Variants in BMPR1B observed in about 807,000 individuals in gnomAD.
The protein encoded by BMPR1B is bone morphogenetic protein receptor type-1B.
A neutral mutation model predicts 59.1 loss-of-function variants in BMPR1B; 12 were observed. The ratio of observed to expected loss-of-function variants is 0.20; its 90% CI spans 0.13 to 0.33. The LOEUF (loss-of-function observed/expected upper bound fraction) is 0.33. BMPR1B is among the 10% of genes least tolerant of loss of function. The pLI, the probability that BMPR1B is intolerant of heterozygous loss-of-function variation, is 1.00. For missense variants in BMPR1B, 550 were observed against 610.9 expected (o/e 0.90, Z 1.05); for synonymous variants, 237 against 207.3 (o/e 1.14, Z -1.23).
chr4:94,804,030 C>T (rs1030006344), intron 1 of BMPR1B, among the ~76,000 whole-genome samples: 7 of 152,086 alleles, frequency 4.6e-5, no homozygotes, highest in Non-Finnish European at 8.8e-5. Context: ...AGGCACCCGC[C>T]ACCACGCCCG....
At chr4:95,037,765 A>AG (rs1341653421) in intron 3 of BMPR1B, among the ~76,000 whole-genome samples, 1 of 152,186 alleles carries the variant, frequency 6.6e-6, no homozygotes, top group African/African-American at 2.4e-5. Context: ...TGATGACATG[A>AG]GGGGTCATAT....
chr4:94,793,040 A>G (rs918627507), intron 1 of BMPR1B, among the ~76,000 whole-genome samples: 3 of 151,672 alleles, frequency 2.0e-5, no homozygotes, highest in Admixed American at 6.6e-5. Context: ...ATTATACTTT[A>G]AGTTTTAGGG....
intron 1 of BMPR1B, among the ~76,000 whole-genome samples, chr4:94,825,691 G>A (rs1724358597): frequency 6.6e-6 from 1 of 152,024 alleles, no homozygotes; most frequent in South Asian, 2.1e-4. Context: ...ATAGTTCTGG[G>A]GAGTAAAACA....
chr4:94,960,259 G>A (rs759942922), intron 2 of BMPR1B, among the ~76,000 whole-genome samples: 4 of 152,146 alleles, frequency 2.6e-5, no homozygotes, highest in Admixed American at 6.5e-5. Context: ...TGGTACAGCT[G>A]TAGTATTAAG....
At chr4:95,026,114 C>CTTTCTTTCTTTCTTTCTTTCTTTCTT (rs1724365735) in intron 3 of BMPR1B, among the ~76,000 whole-genome samples, 6 of 142,508 alleles carry the variant, frequency 4.2e-5, no homozygotes, top group African/African-American at 1.6e-4. Context: ...TTCTTTCTTT[C>CTTTCTTTCTTTCTTTCTTTCTTTCTT]TTTCTTTCTT....
At position 95,131,233 on chromosome 4, in the gene BMPR1B, T is replaced by G; in HGVS notation, c.797T>G (p.Ile266Ser). 1.2e-6 allele frequency: 2 copies of G among 1,613,886 alleles called. No individual in the cohort carries two copies. Among genetic ancestry groups the G allele is most frequent in the Non-Finnish European group, 1.7e-6 (2 of 1,179,904 alleles). The change falls in exon 10 of 13, where the codon ATC (isoleucine) becomes AGC (serine). Residue 266 changes from isoleucine (I) to serine (S), a missense_variant. By Grantham distance (142) the Ile-to-Ser change is moderately radical (BLOSUM62 -2). Coordinates refer to ENST00000515059, the MANE Select transcript of BMPR1B (RefSeq NM_001203.3). ...CTTTTAGGTTTCATTGCTGCAGATA[T>G]CAAAGGGACAGGGTCCTGGACCCAG... is the stretch of plus-strand genomic sequence containing the variant. The part of the protein sequence containing the change: ...ENILGFIAAD[I>S]KGTGSWTQLY...
chr4:94,933,523 T>C (rs1490635908), intron 2 of BMPR1B, among the ~76,000 whole-genome samples: 1 of 152,046 alleles, frequency 6.6e-6, no homozygotes, highest in African/African-American at 2.4e-5. Context: ...GCCCAGACAA[T>C]AGGATTGTCT....
intron 3 of BMPR1B, among the ~76,000 whole-genome samples, chr4:95,021,513 T>G (rs1560600373): frequency 6.6e-6 from 1 of 152,228 alleles, no homozygotes; most frequent in Non-Finnish European, 1.5e-5. Context: ...CTTATTATTT[T>G]TCTTTCATGA....
intron 2 of BMPR1B, among the ~76,000 whole-genome samples, chr4:94,993,214 A>C (rs926594122): frequency 2.6e-5 from 4 of 152,048 alleles, no homozygotes; most frequent in African/African-American, 9.7e-5. Flanking sequence ...GCCTTTTCAG[A>C]CTGGTTTCTT....
intron 2 of BMPR1B, among the ~76,000 whole-genome samples, chr4:94,990,716 T>C (rs1721683696): frequency 6.6e-6 from 1 of 152,120 alleles, no homozygotes; most frequent in Non-Finnish European, 1.5e-5. Context: ...TTTTATACTT[T>C]AAGTTTTAGG....
intron 1 of BMPR1B, among the ~76,000 whole-genome samples, chr4:94,842,663 A>C (rs909288785): frequency 6.6e-6 from 1 of 152,128 alleles, no homozygotes. Context: ...ATTTTTTAAC[A>C]TGCTTTGTAC....
At chr4:94,976,876 G>A (rs1169456096) in intron 2 of BMPR1B, among the ~76,000 whole-genome samples, 3 of 152,068 alleles carry the variant, frequency 2.0e-5, no homozygotes, top group Non-Finnish European at 4.4e-5. Flanking sequence ...TCTCTGTGGT[G>A]CTTGGCTCCT....
intron 2 of BMPR1B, among the ~76,000 whole-genome samples, chr4:94,950,055 T>G (rs1013948601): frequency 6.6e-6 from 1 of 152,264 alleles, no homozygotes; most frequent in African/African-American, 2.4e-5. Context: ...TGATGAGCTT[T>G]TTTTCATGTG....
At chr4:94,964,328 TA>T (rs1182858131) in intron 2 of BMPR1B, among the ~76,000 whole-genome samples, 2 of 152,192 alleles carry the variant, frequency 1.3e-5, no homozygotes, top group Non-Finnish European at 2.9e-5. Flanking sequence ...TTCTCTTGTC[TA>T]ATTGCTCTGG....
chr4:95,088,319 C>G (rs1050805289), intron 3 of BMPR1B, among the ~76,000 whole-genome samples: 1 of 152,270 alleles, frequency 6.6e-6, no homozygotes, highest in East Asian at 1.9e-4. Context: ...TGAGGAGCCA[C>G]TGAACTCCAC....
chr4:95,145,298 G>A (rs2149321361), intron 10 of BMPR1B, among the ~76,000 whole-genome samples: 1 of 152,220 alleles, frequency 6.6e-6, no homozygotes, highest in Admixed American at 6.5e-5. Context: ...TTATTGCGTG[G>A]GGTTGGAATT....
At chr4:94,783,874 T>C (rs981241117) in intron 1 of BMPR1B, among the ~76,000 whole-genome samples, 10 of 152,232 alleles carry the variant, frequency 6.6e-5, no homozygotes, top group African/African-American at 2.4e-4. Context: ...GAAGTGCTGG[T>C]GGCCCCTCCC....
At chr4:95,052,258 A>T (rs1726560723) in intron 3 of BMPR1B, among the ~76,000 whole-genome samples, 1 of 152,204 alleles carries the variant, frequency 6.6e-6, no homozygotes, top group South Asian at 2.1e-4. Flanking sequence ...ACTATGTCAA[A>T]TGTTTATTCA....
At chr4:94,885,763 C>T (rs777936286) in intron 2 of BMPR1B, among the ~76,000 whole-genome samples, 1 of 151,894 alleles carries the variant, frequency 6.6e-6, no homozygotes, top group Non-Finnish European at 1.5e-5. Flanking sequence ...AATTGTAAAA[C>T]ATATTGCTGA....
Sources: gnomAD v4.1 joint callset for allele counts (sites outside exome capture counted in the v4.1 genomes callset) on GRCh38, gnomAD v4.1.1 for gene constraint, MANE v1.5 for transcripts, NCBI Gene and HGNC (gene_info 2026-07-23, HGNC 2026-07-21) for gene names.